QARS1: variants seen among roughly 807,000 people sequenced by gnomAD.
QARS1 encodes glutaminyl-tRNA synthetase 1.
In QARS1, 79 loss-of-function variants were observed where a neutral mutation model predicts 106.9. The observed-to-expected ratio is 0.74, with a 90% CI of 0.62 to 0.89. The LOEUF is 0.89. Among genes scored for constraint, QARS1 ranks in the 40% least tolerant of loss-of-function variants. The pLI is 0.00. For synonymous variants in QARS1, 395 were observed against 367.7 expected, an observed-to-expected ratio of 1.07 and a Z score of -0.85; for missense variants, 966 against 997.2, an observed-to-expected ratio of 0.97 and a Z score of 0.42.
chr3:49,103,519 C>A, intron 4 of QARS1, 110 bp from the exon 5 acceptor site: 1 of 1,566,890 alleles, frequency 6.4e-7, no homozygotes, highest in Non-Finnish European at 8.8e-7. Flanking sequence ...CTGAGCCCAG[C>A]CAGACCACTT....
rs780409899 is a variant in QARS1, at chr3:49,100,076, T to C, written c.1180A>G (p.Lys394Glu). 3 of 1,614,216 alleles carry C rather than the reference T, an allele frequency of 1.9e-6. No individual in the cohort carries two copies. Among genetic ancestry groups the C allele is most frequent in the Non-Finnish European group, 2.5e-6 (3 of 1,180,046 alleles). ...AGTGTGGCCTCGCCCTCTGAAAACT[T>C]GCCCTTGCGCATTGCCTGAGGGGAA... is the stretch of plus-strand genomic sequence containing the variant. ...LLLFEAMRKG[K>E]FSEGEATLRM... Residue 394 changes from lysine to glutamate, a missense_variant, in exon 14 of 24, where the codon AAG (lysine) becomes GAG (glutamate). Transcript: ENST00000306125.
intron 21 of QARS1, 35 bp downstream of exon 21, chr3:49,098,318 T>C: frequency 6.2e-7 from 1 of 1,614,178 alleles, no homozygotes; most frequent in Non-Finnish European, 8.5e-7. Flanking sequence ...AATGTGCATC[T>C]TGTACCTGCC....
At chr3:49,100,553 C>T in intron 11 of QARS1, 22 bp downstream of exon 11, 1 of 1,592,800 alleles carries the variant, frequency 6.3e-7, no homozygotes. Context: ...ACCAGCCCTT[C>T]TAGGCTTTGC....
At chr3:49,100,337 C>G in intron 12 of QARS1, 39 bp from the exon 13 acceptor site, 1 of 1,614,142 alleles carries the variant, frequency 6.2e-7, no homozygotes, top group Non-Finnish European at 8.5e-7. Flanking sequence ...ATGGCTGTGA[C>G]CTAGTCAGTC....
intron 17 of QARS1, 27 bp from the exon 18 acceptor site, chr3:49,099,280 C>A: frequency 6.2e-7 from 1 of 1,614,180 alleles, no homozygotes; most frequent in Non-Finnish European, 8.5e-7. Context: ...GCATCAGTCA[C>A]AGCTACAATC....
At position 49,100,010 on chromosome 3, in the gene QARS1, C is replaced by T. The variant is rs147076980; in HGVS notation, c.1246G>A (p.Val416Ile). 3.5e-4 allele frequency: 560 copies of T among 1,614,230 alleles called. No individual in the cohort carries two copies. The highest frequency in any genetic ancestry group is 4.5e-4 in the Non-Finnish European group (527 of 1,180,048). Residue 416 changes from valine to isoleucine, a missense_variant, in exon 14 of 24, where the codon GTA (valine) becomes ATA (isoleucine). Val to Ile is a conservative substitution (Grantham distance 29, BLOSUM62 3). Coordinates refer to ENST00000306125, the MANE Select transcript of QARS1 (RefSeq NM_005051.3). ...LVMEDGKMDP[V>I]AYRVKYTPHH... is the part of the protein sequence containing the mutation. ...GGTGTATACTTGACTCGATAGGCTA[C>T]AGGGTCCATCTTGCCATCCTCCATC...
chr3:49,097,775 C>T (rs936719845), intron 23 of QARS1, among the ~76,000 whole-genome samples: 9 of 151,914 alleles, frequency 5.9e-5, no homozygotes, highest in East Asian at 1.9e-4. Flanking sequence ...CAGCCCCGGG[C>T]GACAGTGCAA....
rs771028235 is a variant in QARS1 at position 49,104,619 on chromosome 3, G to T, written c.115C>A (p.Gln39Lys). ...GCCGGGGGCAGAGGGGCTCGCACCTGAGTAGCGGCCTCGCGCAGCTGCGCG... is the reference window on the plus strand; with the variant it reads ...GCCGGGGGCAGAGGGGCTCGCACCTTAGTAGCGGCCTCGCGCAGCTGCGCG... ...LSAQLREAAT[Q>K]AQQTLGSTID... Residue 39 changes from glutamine (Q) to lysine (K), a missense_variant and splice_region_variant, in exon 1 of 24, where the codon CAG (glutamine) becomes AAG (lysine). Coordinates refer to ENST00000306125, the MANE Select transcript of QARS1 (RefSeq NM_005051.3). The T allele has an allele frequency of 3.1e-6, 5 of 1,603,306 alleles. No homozygotes were observed. The African/African-American group carries it at 6.7e-5, about 21-fold the overall frequency.
chr3:49,103,843 A>G lies in QARS1; in HGVS notation c.375+20T>C, dbSNP rs752716209. 14 of 1,610,810 alleles carry G rather than the reference A, an allele frequency of 8.7e-6. No individual in the cohort carries two copies. The highest frequency in any genetic ancestry group is 1.2e-5 in the Non-Finnish European group (14 of 1,177,096). The stretch of plus-strand genomic sequence containing the variant: ...ATGGCCAGGACTGGGGAGGCAGACG[A>G]TGCCTGGGGAAAGACTCACAGCCTC... On this transcript the variant is annotated intron_variant, in intron 3 of 23. Coordinates refer to ENST00000306125, the MANE Select transcript of QARS1 (RefSeq NM_005051.3).
At position 49,101,888 on chromosome 3, in the gene QARS1, C is replaced by A. The variant is rs754699919; in HGVS notation, c.643G>T (p.Asp215Tyr). 1.2e-6 allele frequency: 2 copies of A among 1,611,530 alleles called. No individual in the cohort carries two copies. Residue 215 changes from aspartate (D) to tyrosine (Y), a missense_variant, in exon 8 of 24, where the codon GAC becomes TAC. Physicochemically the swap from Asp to Tyr is radical, Grantham distance 160. Transcript: ENST00000306125. ...TGCTCCATCAGAGACAGGGTCTGGT[C>A]AGCAGTCTCGCCTGTGGGGAACAAA... is the stretch of plus-strand genomic sequence containing the variant. ...KDVVENGETA[D>Y]QTLSLMEQLR...
rs760540384 is a variant in QARS1 at position 49,098,861 on chromosome 3, G to A, written c.1863+24C>T. The A allele has an allele frequency of 3.1e-6, 5 of 1,588,470 alleles. No individual in the cohort carries two copies. The Middle Eastern group carries it at 8.3e-4, about 265-fold the overall frequency. Reference sequence around the variant, plus strand: ...CCAGTACCAGACTCAGCAGCAAACGGGACCCTCCACCCCCACAATTTACCT... The same window carrying A: ...CCAGTACCAGACTCAGCAGCAAACGAGACCCTCCACCCCCACAATTTACCT... On this transcript the variant is annotated intron_variant, in intron 19 of 23. Coordinates refer to ENST00000306125, the MANE Select transcript of QARS1 (RefSeq NM_005051.3).
At position 49,098,377 on chromosome 3, in the gene QARS1, C is replaced by T. The variant is rs1335625299; in HGVS notation, c.2060G>A (p.Cys687Tyr). Residue 687 changes from cysteine to tyrosine, a missense_variant, in exon 21 of 24, where the codon TGT becomes TAT. Physicochemically the swap from Cys to Tyr is radical, Grantham distance 194. Transcript: ENST00000306125. ...CAGTCGCTCATAGAGGCGAACCTCA[C>T]ACATCAAAGGCTGTGACACCCAGTG... The part of the protein sequence containing the change: ...FIHWVSQPLM[C>Y]EVRLYERLFQ... 2.0e-5 allele frequency: 32 copies of T among 1,614,224 alleles called. No individual in the cohort carries two copies. The highest frequency in any genetic ancestry group is 2.5e-5 in the Non-Finnish European group (30 of 1,180,042).
At chr3:49,098,770 G>A (rs2042425995) in intron 19 of QARS1, 78 bp from the exon 20 acceptor site, 24 of 1,500,490 alleles carry the variant, frequency 1.6e-5, no homozygotes, top group Non-Finnish European at 2.0e-5. Context: ...CCCCGTGTCT[G>A]GCAAAGATTG....
Position 49,098,020 on chromosome 3 carries a change from G to C in QARS1, c.2249C>G (p.Ser750Cys). The C allele has an allele frequency of 6.2e-7, 1 of 1,614,184 alleles. No individual in the cohort carries two copies. The highest frequency in any genetic ancestry group is 2.2e-5 in the East Asian group (1 of 44,878). ...TCCCTGATGGCTGTCTGGATCCACG[G>C]AGAAATATCCAAGACGCTCAAACTG... ...KFQFERLGYF[S>C]VDPDSHQGKL... Residue 750 changes from serine to cysteine, a missense_variant, in exon 23 of 24, where the codon TCC (serine) becomes TGC (cysteine). Ser to Cys is a moderately radical substitution (Grantham distance 112). Coordinates refer to ENST00000306125, the MANE Select transcript of QARS1 (RefSeq NM_005051.3).
chr3:49,097,834 AG>A (rs1391249536), intron 23 of QARS1, among the ~76,000 whole-genome samples, 157 bp downstream of exon 23: 1 of 152,084 alleles, frequency 6.6e-6, no homozygotes, highest in East Asian at 1.9e-4. Context: ...TTGTGCCTGG[AG>A]TTATCCTCAG....
At chr3:49,100,149 C>T (rs1357117620) in intron 13 of QARS1, 41 bp downstream of exon 13, 16 of 1,614,098 alleles carry the variant, frequency 9.9e-6, no homozygotes, top group Non-Finnish European at 1.4e-5. Context: ...ATTCTCAGCA[C>T]CTTGGCCCAC....
intron 19 of QARS1, 86 bp from the exon 20 acceptor site, chr3:49,098,778 T>C (rs1237270969): frequency 2.4e-5 from 36 of 1,500,148 alleles, no homozygotes; most frequent in South Asian, 9.4e-5. Context: ...CTGGCAAAGA[T>C]TGGTTCATCT....
At chr3:49,098,759 CCCCCG>C in intron 19 of QARS1, 67 bp from the exon 20 acceptor site, 1 of 1,506,616 alleles carries the variant, frequency 6.6e-7, no homozygotes, top group East Asian at 2.3e-5. Flanking sequence ...AGCTTCCCTA[CCCCCG>C]TGTCTGGCAA....
chr3:49,099,058 T>G, intron 18 of QARS1, 52 bp downstream of exon 18: 1 of 1,613,694 alleles, frequency 6.2e-7, no homozygotes, highest in Non-Finnish European at 8.5e-7. Context: ...CAGAGCCAAG[T>G]GTACCCCCAG....
Sources: allele counts gnomAD v4.1 joint callset (sites outside exome capture counted in the v4.1 genomes callset), GRCh38; gene constraint gnomAD v4.1.1; transcripts MANE v1.5; gene names NCBI Gene and HGNC (gene_info 2026-07-23, HGNC 2026-07-21).